The following AP2B1 variants were observed in gnomAD, a reference collection of about 807,000 sequenced individuals.
AP2B1 encodes the protein AP-2 complex subunit beta.
Under a neutral mutation model 102.0 loss-of-function variants are expected in AP2B1, and 23 were observed. The ratio of observed to expected loss-of-function variants is 0.23; its 90% CI spans 0.16 to 0.32. The LOEUF (loss-of-function observed/expected upper bound fraction) is 0.32. Among genes scored for constraint, AP2B1 ranks in the 10% least tolerant of loss-of-function variants. The pLI is 1.00. For synonymous variants in AP2B1, 381 were observed against 421.2 expected (o/e 0.90, Z 1.17); for missense variants, 541 against 1,157.4 (o/e 0.47, Z 7.73).
chr17:35,607,590 T>A (rs1381728276), intron 4 of AP2B1, among the ~76,000 whole-genome samples: 2 of 152,224 alleles, frequency 1.3e-5, no homozygotes, highest in Non-Finnish European at 2.9e-5. Context: ...TAAAAGAGAA[T>A]GTATGTTAGC....
At chr17:35,672,803 A>G (rs1015484898) in intron 16 of AP2B1, among the ~76,000 whole-genome samples, 1 of 152,208 alleles carries the variant, frequency 6.6e-6, no homozygotes, top group African/African-American at 2.4e-5. Flanking sequence ...TTGTATACAA[A>G]TGACCAACGT....
Position 35,624,405 on chromosome 17 carries a change from T to C in AP2B1, c.534T>C (p.Ala178=), listed in dbSNP as rs1233582369. Residue 178 remains alanine, a synonymous_variant, in exon 6 of 22, where the codon GCT becomes GCC. Coordinates refer to ENST00000610402, the MANE Select transcript of AP2B1 (RefSeq NM_001030006.2). ...LIADSNPMVV[A]NAVAALSEIS... ...ACCCCCTTCTTTTCCAGGTGGTGGC[T>C]AATGCCGTAGCGGCATTATCTGAAA... The C allele has an allele frequency of 6.2e-7, 1 of 1,614,072 alleles. No individual in the cohort carries two copies. The highest frequency in any genetic ancestry group is 1.1e-5 in the South Asian group (1 of 91,054).
At chr17:35,647,764 C>G (rs1433273163) in intron 12 of AP2B1, among the ~76,000 whole-genome samples, 1 of 152,078 alleles carries the variant, frequency 6.6e-6, no homozygotes, top group East Asian at 1.9e-4. Flanking sequence ...TGATAAGGGC[C>G]TTAAGTGGCT....
At chr17:35,632,745 T>C (rs1466150639) in intron 9 of AP2B1, among the ~76,000 whole-genome samples, 1 of 152,042 alleles carries the variant, frequency 6.6e-6, no homozygotes, top group Non-Finnish European at 1.5e-5. Context: ...GTTTTTCAAA[T>C]GTTTATACAT....
intron 14 of AP2B1, among the ~76,000 whole-genome samples, chr17:35,670,384 T>C (rs2075561311): frequency 6.6e-6 from 1 of 152,258 alleles, no homozygotes; most frequent in East Asian, 1.9e-4. Flanking sequence ...CAGCAGGTTT[T>C]GTAAATTAAA....
chr17:35,713,935 T>G (rs2143009861), intron 20 of AP2B1: 1 of 152,344 alleles, frequency 6.6e-6, no homozygotes. Context: ...TGAATCTGTT[T>G]TACATCTTAC....
At chr17:35,676,343 T>A (rs541333109) in intron 17 of AP2B1, among the ~76,000 whole-genome samples, 40 of 152,224 alleles carry the variant, frequency 2.6e-4, no homozygotes, top group Non-Finnish European at 4.3e-4. Context: ...GTCACTATAA[T>A]TGTACCTTTT....
At chr17:35,656,348 C>A (rs115500029) in intron 13 of AP2B1, among the ~76,000 whole-genome samples, 2,667 of 152,250 alleles carry the variant, frequency 0.018, 52 homozygotes, top group African/African-American at 0.048. Context: ...ATCGTTTGTC[C>A]TACCTAGTCC....
At chr17:35,710,843 G>T (rs1470539335) in intron 20 of AP2B1, among the ~76,000 whole-genome samples, 1 of 152,126 alleles carries the variant, frequency 6.6e-6, no homozygotes, top group African/African-American at 2.4e-5. Flanking sequence ...GGCCAAGATG[G>T]CAGGATCTCT....
At chr17:35,613,691 A>G (rs901452060) in intron 5 of AP2B1, among the ~76,000 whole-genome samples, 1 of 152,152 alleles carries the variant, frequency 6.6e-6, no homozygotes, top group East Asian at 1.9e-4. Context: ...TGCTTGGCTT[A>G]TGGGAGCTCA....
At chr17:35,589,878 A>AT (rs1024266747) in intron 1 of AP2B1, among the ~76,000 whole-genome samples, 95 of 132,172 alleles carry the variant, frequency 7.2e-4, no homozygotes, top group Admixed American at 8.1e-4. Flanking sequence ...CAAATATTAG[A>AT]TTTTTTTTTT....
In AP2B1 at chr17:35,686,511, A is replaced by G. The variant is rs1293299955; in HGVS notation, c.2454+3687A>G. On this transcript the variant is annotated intron_variant, in intron 18 of 21. Transcript: ENST00000610402. ...ATTTAACGTGTTCATCTCCAGGGTA[A>G]TGCTCATGGTCTTTATGTAGATGCT... is the stretch of plus-strand genomic sequence containing the variant. Among the ~76,000 whole-genome samples the G allele has an allele frequency of 3.9e-5, 6 of 152,284 alleles. No individual in the cohort carries two copies. In the South Asian group the frequency reaches 8.3e-4, roughly 21 times the overall value.
rs866464888 is a variant in AP2B1 at position 35,706,852 on chromosome 17, C to T, written c.2455-2372C>T. ...ATTTTTAGTAGAGATGGGGTTTCAC[C>T]ATCTGGCCAGGCTGGTCTCGAACTC... On this transcript the variant is annotated intron_variant, in intron 18 of 21. Coordinates refer to ENST00000610402, the MANE Select transcript of AP2B1 (RefSeq NM_001030006.2). 6.6e-5 allele frequency among the ~76,000 whole-genome samples: 10 copies of T among 151,996 alleles called. No homozygotes were observed. In the Middle Eastern group the frequency reaches 0.034, roughly 517 times the overall value.
intron 3 of AP2B1, among the ~76,000 whole-genome samples, chr17:35,599,368 A>G (rs1388972583): frequency 6.6e-6 from 1 of 152,216 alleles, no homozygotes; most frequent in Non-Finnish European, 1.5e-5. Flanking sequence ...GACAATGGAT[A>G]CGTTTCAGGT....
intron 9 of AP2B1, among the ~76,000 whole-genome samples, chr17:35,632,844 G>A (rs923511837): frequency 5.3e-5 from 8 of 151,806 alleles, no homozygotes; most frequent in South Asian, 2.1e-4. Context: ...ACTGTGCTAA[G>A]CACTTACTTG....
At chr17:35,693,265 G>A (rs587650785) in intron 18 of AP2B1, among the ~76,000 whole-genome samples, 9 of 151,890 alleles carry the variant, frequency 5.9e-5, no homozygotes, top group African/African-American at 1.7e-4. Context: ...CAAGTAATCC[G>A]CCCACCTCGA....
chr17:35,699,669 T>C (rs16971437), intron 18 of AP2B1, among the ~76,000 whole-genome samples: 3,672 of 152,352 alleles, frequency 0.024, 134 homozygotes, highest in East Asian at 0.19. Flanking sequence ...TTTTTAACTC[T>C]ATCAGATACT....
intron 10 of AP2B1, among the ~76,000 whole-genome samples, chr17:35,638,152 A>G (rs1411152084): frequency 2.0e-5 from 3 of 152,132 alleles, no homozygotes; most frequent in Admixed American, 2.0e-4. Context: ...TAAACTTATT[A>G]AGGGTGAAGA....
At chr17:35,613,788 T>A (rs2073935023) in intron 5 of AP2B1, among the ~76,000 whole-genome samples, 1 of 152,224 alleles carries the variant, frequency 6.6e-6, no homozygotes. Context: ...AAGGTTCTGA[T>A]TCCTTTAATA....
Sources: allele counts gnomAD v4.1 joint callset (sites outside exome capture counted in the v4.1 genomes callset), GRCh38; gene constraint gnomAD v4.1.1; transcripts MANE v1.5; gene names NCBI Gene and HGNC (gene_info 2026-07-23, HGNC 2026-07-21).